THSD7B: variants seen among roughly 807,000 people sequenced by gnomAD.
THSD7B encodes the protein thrombospondin type-1 domain-containing protein 7B.
A neutral mutation model predicts 213.6 loss-of-function variants in THSD7B; 138 were observed. The ratio of observed to expected loss-of-function variants is 0.65; its 90% CI spans 0.56 to 0.74. The LOEUF is 0.74. Ranked by LOEUF, THSD7B falls within the 30% of genes least tolerant of loss-of-function variation. The probability of loss-of-function intolerance (pLI) is 0.00; values close to 1 mark genes in which losing one functional copy is unlikely to be tolerated. For synonymous variants in THSD7B, 742 were observed against 687.0 expected (o/e 1.08, Z -1.25); for missense variants, 1,931 against 1,991.5 (o/e 0.97, Z 0.58).
chr2:137,193,182 G>T (rs1386773311), intron 7 of THSD7B, among the ~76,000 whole-genome samples: 3 of 152,064 alleles, frequency 2.0e-5, no homozygotes, highest in Non-Finnish European at 2.9e-5. Context: ...CACGCCAGGG[G>T]TTAAATATTT....
At chr2:136,996,660 G>A (rs551806595) in intron 2 of THSD7B, among the ~76,000 whole-genome samples, 3 of 152,190 alleles carry the variant, frequency 2.0e-5, no homozygotes, top group Non-Finnish European at 4.4e-5. Context: ...TGTTTTTAAT[G>A]TATGATTTAG....
chr2:137,094,910 T>C lies in THSD7B; in HGVS notation c.988T>C (p.Ser330Pro). Residue 330 changes from serine (S) to proline (P), a missense_variant, in exon 4 of 28, where the codon TCC (serine) becomes CCC (proline). Coordinates refer to ENST00000409968, the MANE Select transcript of THSD7B (RefSeq NM_001316349.2). ...LQDSFPLTVQ[S>P]CIMPKDCETS... The stretch of plus-strand genomic sequence containing the variant: ...AGATTCCTTCCCATTGACTGTTCAG[T>C]CCTGCATCATGCCCAAAGACTGTGA... The C allele has an allele frequency of 1.2e-6, 2 of 1,613,890 alleles. No homozygotes were observed. Among genetic ancestry groups the C allele is most frequent in the Non-Finnish European group, 8.5e-7 (1 of 1,179,830 alleles).
chr2:137,676,676 TCA>T lies in THSD7B; in HGVS notation c.*72_*73del. 1 of 1,384,398 alleles carries T rather than the reference TCA, an allele frequency of 7.2e-7. No individual in the cohort carries two copies. Among genetic ancestry groups the T allele is most frequent in the Non-Finnish European group, 9.7e-7 (1 of 1,033,606 alleles). 85.8% of individuals were successfully genotyped at this position (1,384,398 alleles called of 1,614,324 possible). ...TTCTCTTTTGTAGCTCTCAGACTTC[TCA>T]GTTTTTTGAGGAATCTCAAGATGTG... is the stretch of plus-strand genomic sequence containing the variant. On this transcript the variant is annotated 3_prime_UTR_variant, in exon 28 of 28. Transcript: ENST00000409968.
intron 1 of THSD7B, among the ~76,000 whole-genome samples, chr2:136,768,674 G>A (rs1681452340): frequency 6.6e-6 from 1 of 152,142 alleles, no homozygotes; most frequent in South Asian, 2.1e-4. Context: ...TACAGACAAA[G>A]CATAAAGGCT....
intron 6 of THSD7B, among the ~76,000 whole-genome samples, chr2:137,166,402 A>G (rs765730060): frequency 3.9e-5 from 6 of 152,322 alleles, no homozygotes; most frequent in South Asian, 2.1e-4. Flanking sequence ...TGATATATAG[A>G]CACACATTTA....
chr2:137,454,396 G>A (rs10182199), intron 15 of THSD7B, among the ~76,000 whole-genome samples: 85,104 of 122,834 alleles, frequency 0.69, 28,863 homozygotes, highest in Non-Finnish European at 0.77. Flanking sequence ...CATTCTATCT[G>A]TCTGTCTGTC....
chr2:137,071,629 G>T (rs1027043945), intron 3 of THSD7B, among the ~76,000 whole-genome samples: 4 of 152,180 alleles, frequency 2.6e-5, no homozygotes, highest in Non-Finnish European at 5.9e-5. Flanking sequence ...TGAAGTCCTT[G>T]CCTGTGCCTA....
chr2:137,313,640 G>A (rs1683988118), intron 12 of THSD7B, among the ~76,000 whole-genome samples: 1 of 151,938 alleles, frequency 6.6e-6, no homozygotes, highest in African/African-American at 2.4e-5. Context: ...TGCAGTGGCT[G>A]GTACTGGTTG....
chr2:137,321,748 C>T (rs1326275102), intron 12 of THSD7B, among the ~76,000 whole-genome samples: 2 of 152,204 alleles, frequency 1.3e-5, no homozygotes, highest in Non-Finnish European at 2.9e-5. Flanking sequence ...GTGAGCAGTG[C>T]ATCCCTTTCA....
At chr2:136,946,102 C>T (rs570692813) in intron 2 of THSD7B, among the ~76,000 whole-genome samples, 1 of 152,248 alleles carries the variant, frequency 6.6e-6, no homozygotes, top group African/African-American at 2.4e-5. Flanking sequence ...GTGGTTTTAT[C>T]TACCTTTGGT....
chr2:137,237,851 A>T (rs1681802951), intron 9 of THSD7B, among the ~76,000 whole-genome samples: 1 of 152,228 alleles, frequency 6.6e-6, no homozygotes, highest in Non-Finnish European at 1.5e-5. Context: ...TGGCAGGGGA[A>T]GTGACAAAAA....
intron 15 of THSD7B, among the ~76,000 whole-genome samples, chr2:137,462,820 C>T (rs915280825): frequency 2.2e-5 from 3 of 137,574 alleles, no homozygotes; most frequent in African/African-American, 6.4e-5. Context: ...TCACAATTCA[C>T]GTATGCCAAA....
chr2:136,914,511 G>A (rs1000193577), intron 2 of THSD7B, among the ~76,000 whole-genome samples: 24 of 152,202 alleles, frequency 1.6e-4, no homozygotes, highest in Non-Finnish European at 3.1e-4. Context: ...AACTTGCATT[G>A]TATCTCCCAG....
intron 17 of THSD7B, among the ~76,000 whole-genome samples, chr2:137,593,826 C>T (rs1424560480): frequency 2.0e-5 from 3 of 151,784 alleles, no homozygotes; most frequent in African/African-American, 7.3e-5. Context: ...TCTATTTTGT[C>T]CTAAGAAATC....
chr2:137,113,855 A>T (rs956428215), intron 4 of THSD7B, among the ~76,000 whole-genome samples: 1 of 152,240 alleles, frequency 6.6e-6, no homozygotes, highest in Admixed American at 6.5e-5. Context: ...GTGAAAATTA[A>T]GTAGTGAGGC....
chr2:137,507,260 C>G (rs1372642545), intron 15 of THSD7B, among the ~76,000 whole-genome samples: 1 of 152,162 alleles, frequency 6.6e-6, no homozygotes, highest in African/African-American at 2.4e-5. Context: ...ATAGAGCCAC[C>G]TTAATACAAA....
chr2:137,509,414 T>C (rs1265708565), intron 15 of THSD7B, among the ~76,000 whole-genome samples: 3 of 151,936 alleles, frequency 2.0e-5, no homozygotes, highest in Admixed American at 6.6e-5. Context: ...TTATTCACAT[T>C]AAAATTTGGC....
chr2:137,385,381 C>T (rs1685872052), intron 12 of THSD7B, among the ~76,000 whole-genome samples: 1 of 152,218 alleles, frequency 6.6e-6, no homozygotes, highest in South Asian at 2.1e-4. Context: ...CATGCCCCTG[C>T]TCTGGCCTTC....
rs947402818 is a variant in THSD7B at position 137,663,314 on chromosome 2, A to T, written c.4459-69A>T. 3 of 1,315,852 alleles carry T rather than the reference A, an allele frequency of 2.3e-6. No homozygotes were observed. In the East Asian group the frequency reaches 7.8e-5, roughly 34 times the overall value. The allele number at this position is 1,315,852 out of a possible 1,614,324, so 81.5% of individuals were successfully genotyped here. On this transcript the variant is annotated intron_variant, in intron 25 of 27. Transcript: ENST00000409968. ...ATAGTGCAAATATTAAGTGATTTTA[A>T]CATTATATTTTTATTCATTCACCTG...
Sources: allele counts gnomAD v4.1 joint callset (sites outside exome capture counted in the v4.1 genomes callset), GRCh38; gene constraint gnomAD v4.1.1; transcripts MANE v1.5; gene names NCBI Gene and HGNC (gene_info 2026-07-23, HGNC 2026-07-21).